Variants in PTPRD observed in about 807,000 individuals in gnomAD.
The protein encoded by PTPRD is protein tyrosine phosphatase receptor type D.
In PTPRD, 34 loss-of-function variants were observed where a neutral mutation model predicts 214.5. That is an observed-to-expected ratio of 0.16 (90% CI 0.12 to 0.21). The LOEUF is 0.21. Ranked by LOEUF, PTPRD falls within the 10% of genes least tolerant of loss-of-function variation. PTPRD has a pLI of 1.00. For missense variants in PTPRD, 2,545 were observed against 2,398.7 expected (o/e 1.06, Z -1.27); for synonymous variants, 1,128 against 845.7 (o/e 1.33, Z -5.79).
chr9:10,542,857 T>G (rs1212610207), intron 2 of PTPRD, among the ~76,000 whole-genome samples: 1 of 152,178 alleles, frequency 6.6e-6, no homozygotes, highest in African/African-American at 2.4e-5. Context: ...TAGCTGGGAT[T>G]ACAGACATGC....
intron 9 of PTPRD, among the ~76,000 whole-genome samples, chr9:9,286,845 A>G (rs1338445414): frequency 7.8e-6 from 1 of 128,410 alleles, no homozygotes; most frequent in East Asian, 2.5e-4. Flanking sequence ...AGTAAACAGA[A>G]CAGCTCAAGG....
At chr9:8,852,544 G>A (rs565482882) in intron 11 of PTPRD, among the ~76,000 whole-genome samples, 2 of 152,312 alleles carry the variant, frequency 1.3e-5, no homozygotes, top group East Asian at 3.9e-4. Flanking sequence ...CATTTACAAA[G>A]GAAAGCAAGG....
intron 2 of PTPRD, among the ~76,000 whole-genome samples, chr9:10,450,183 T>C (rs1380634714): frequency 1.3e-5 from 2 of 151,718 alleles, no homozygotes; most frequent in South Asian, 2.1e-4. Context: ...CCTCCACTAT[T>C]GTCCTATGAC....
At chr9:10,018,270 G>A (rs951919805) in intron 4 of PTPRD, among the ~76,000 whole-genome samples, 8 of 151,890 alleles carry the variant, frequency 5.3e-5, no homozygotes, top group Admixed American at 6.6e-5. Context: ...GGAATTTAGA[G>A]GTTTTGATTG....
chr9:9,720,996 G>A (rs1378483409), intron 7 of PTPRD, among the ~76,000 whole-genome samples: 2 of 152,078 alleles, frequency 1.3e-5, no homozygotes, highest in Non-Finnish European at 2.9e-5. Context: ...TGTAGGGTGG[G>A]AGGAGCAAGA....
intron 5 of PTPRD, among the ~76,000 whole-genome samples, chr9:9,781,524 A>T (rs1036433750): frequency 1.6e-4 from 25 of 152,326 alleles, no homozygotes; most frequent in African/African-American, 6.0e-4. Context: ...ACAGTTGCCT[A>T]ATTGAAGTAT....
chr9:8,725,988 A>T lies in PTPRD; in HGVS notation c.64+7792T>A, dbSNP rs1284859995. On this transcript the variant is annotated intron_variant, in intron 12 of 45. Coordinates refer to ENST00000381196, the MANE Select transcript of PTPRD (RefSeq NM_002839.4). ...AAAATTTTTATATTCCCACCACTTC[A>T]CACAGAGCTTTCCACATAGCAGACA... is the stretch of plus-strand genomic sequence containing the variant. Among the ~76,000 whole-genome samples, 5 of 151,612 alleles carry T rather than the reference A, an allele frequency of 3.3e-5. 1 individual carries two copies. Among genetic ancestry groups the T allele is most frequent in the Non-Finnish European group, 7.4e-5 (5 of 67,974 alleles).
intron 5 of PTPRD, among the ~76,000 whole-genome samples, chr9:9,866,818 C>A (rs544753253): frequency 2.0e-5 from 3 of 152,094 alleles, no homozygotes; most frequent in African/African-American, 7.2e-5. Flanking sequence ...AAGTTTAATG[C>A]CTAAACACAA....
chr9:9,524,396 G>T (rs937862748), intron 8 of PTPRD, among the ~76,000 whole-genome samples: 1 of 151,862 alleles, frequency 6.6e-6, no homozygotes, highest in Non-Finnish European at 1.5e-5. Context: ...ATTCTATTTT[G>T]CTTATTTAAA....
At chr9:9,560,360 G>T (rs559604490) in intron 8 of PTPRD, among the ~76,000 whole-genome samples, 1 of 152,198 alleles carries the variant, frequency 6.6e-6, no homozygotes, top group African/African-American at 2.4e-5. Flanking sequence ...TAGAAATGTT[G>T]CATCTTGCAG....
At chr9:9,274,735 T>C (rs1944303375) in intron 9 of PTPRD, among the ~76,000 whole-genome samples, 1 of 150,970 alleles carries the variant, frequency 6.6e-6, no homozygotes, top group Non-Finnish European at 1.5e-5. Context: ...AAAATACATA[T>C]TCCTGGAGCT....
intron 2 of PTPRD, among the ~76,000 whole-genome samples, chr9:10,589,674 C>T (rs1485353843): frequency 6.6e-6 from 1 of 151,946 alleles, no homozygotes; most frequent in African/African-American, 2.4e-5. Context: ...AAATTCCTGA[C>T]ACGAGACAGC....
chr9:10,568,478 A>G (rs2066387132), intron 2 of PTPRD, among the ~76,000 whole-genome samples: 1 of 152,060 alleles, frequency 6.6e-6, no homozygotes, highest in African/African-American at 2.4e-5. Context: ...TTGGGTATAT[A>G]CCCAGTAATG....
At chr9:8,424,144 G>C (rs2094521348) in intron 35 of PTPRD, among the ~76,000 whole-genome samples, 1 of 152,028 alleles carries the variant, frequency 6.6e-6, no homozygotes, top group African/African-American at 2.4e-5. Flanking sequence ...ATGTTGAAAA[G>C]CAAAAATAAA....
At chr9:8,610,697 G>T (rs1464454242) in intron 14 of PTPRD, among the ~76,000 whole-genome samples, 1 of 152,194 alleles carries the variant, frequency 6.6e-6, no homozygotes, top group Non-Finnish European at 1.5e-5. Flanking sequence ...CACCACTGTG[G>T]TTTCATTCAC....
intron 8 of PTPRD, among the ~76,000 whole-genome samples, chr9:9,487,408 G>A (rs1371242703): frequency 1.3e-5 from 2 of 152,094 alleles, no homozygotes; most frequent in Admixed American, 1.3e-4. Context: ...TTTTATGGCT[G>A]CATAGTATTC....
chr9:10,581,836 T>C (rs916588881), intron 2 of PTPRD, among the ~76,000 whole-genome samples: 1 of 152,188 alleles, frequency 6.6e-6, no homozygotes, highest in Admixed American at 6.5e-5. Context: ...CACAGACAGA[T>C]GCTTTAAATA....
chr9:9,672,997 A>G (rs2096859788), intron 7 of PTPRD, among the ~76,000 whole-genome samples: 1 of 152,030 alleles, frequency 6.6e-6, no homozygotes, highest in Admixed American at 6.6e-5. Flanking sequence ...GACCTTGATT[A>G]TAACGTATAC....
chr9:9,754,496 C>G (rs879278485), intron 6 of PTPRD, among the ~76,000 whole-genome samples: 1 of 152,006 alleles, frequency 6.6e-6, no homozygotes, highest in Admixed American at 6.6e-5. Flanking sequence ...TAAATAATAG[C>G]AGTTCTTGAC....
Sources: allele counts gnomAD v4.1 joint callset (sites outside exome capture counted in the v4.1 genomes callset), GRCh38; gene constraint gnomAD v4.1.1; transcripts MANE v1.5; gene names NCBI Gene and HGNC (gene_info 2026-07-23, HGNC 2026-07-21).